NLGN1: variants seen among roughly 807,000 people sequenced by gnomAD.
NLGN1 encodes neuroligin-1.
In NLGN1, 12 loss-of-function variants were observed where a neutral mutation model predicts 65.5. The ratio of observed to expected loss-of-function variants is 0.18; its 90% confidence interval spans 0.12 to 0.30. The LOEUF (loss-of-function observed/expected upper bound fraction) is 0.30. Among genes scored for constraint, NLGN1 ranks in the 10% least tolerant of loss-of-function variants. NLGN1 has a pLI of 1.00. For missense variants in NLGN1, 750 were observed against 1,007.1 expected (o/e 0.74, Z 3.46); for synonymous variants, 350 against 359.5 (o/e 0.97, Z 0.30).
At chr3:174,066,610 G>A (rs1453771913) in intron 4 of NLGN1, among the ~76,000 whole-genome samples, 3 of 132,730 alleles carry the variant, frequency 2.3e-5, no homozygotes, top group Non-Finnish European at 3.1e-5. Context: ...ATTTTGGTTG[G>A]TTTTAGGTTA....
chr3:173,561,356 C>T (rs545910693), intron 2 of NLGN1, among the ~76,000 whole-genome samples: 8 of 152,254 alleles, frequency 5.3e-5, no homozygotes, highest in East Asian at 3.9e-4. Flanking sequence ...TGACTTCTAG[C>T]GTCTGCCTCC....
intron 4 of NLGN1, among the ~76,000 whole-genome samples, chr3:174,044,914 T>G (rs1312066414): frequency 6.6e-6 from 1 of 152,070 alleles, no homozygotes; most frequent in Non-Finnish European, 1.5e-5. Flanking sequence ...CACTTCTTCT[T>G]CCTGCCATCA....
At chr3:173,797,043 G>A (rs1714245879) in intron 3 of NLGN1, among the ~76,000 whole-genome samples, 1 of 152,104 alleles carries the variant, frequency 6.6e-6, no homozygotes, top group Non-Finnish European at 1.5e-5. Context: ...AGCAAAGAAG[G>A]GAGCTCTAGG....
At chr3:173,739,917 G>C (rs1774372916) in intron 3 of NLGN1, among the ~76,000 whole-genome samples, 1 of 152,070 alleles carries the variant, frequency 6.6e-6, no homozygotes, top group Non-Finnish European at 1.5e-5. Flanking sequence ...ACTGGAAAAA[G>C]CTTAACAGAT....
intron 3 of NLGN1, among the ~76,000 whole-genome samples, chr3:173,646,442 C>G (rs1446700186): frequency 2.0e-5 from 3 of 152,172 alleles, no homozygotes; most frequent in Non-Finnish European, 4.4e-5. Flanking sequence ...GTGTCACACA[C>G]TGTTCACTTT....
intron 4 of NLGN1, among the ~76,000 whole-genome samples, chr3:174,181,441 G>A (rs1730399949): frequency 6.6e-6 from 1 of 152,096 alleles, no homozygotes; most frequent in Non-Finnish European, 1.5e-5. Context: ...GCCCATCGCT[G>A]TTACCTCTAT....
intron 2 of NLGN1, among the ~76,000 whole-genome samples, chr3:173,482,559 T>A (rs1246625215): frequency 2.0e-5 from 3 of 151,966 alleles, no homozygotes; most frequent in African/African-American, 4.8e-5. Context: ...AATTTCAATT[T>A]AAAAATTTGC....
chr3:173,466,303 A>T (rs1444641727), intron 2 of NLGN1, among the ~76,000 whole-genome samples: 1 of 152,162 alleles, frequency 6.6e-6, no homozygotes, highest in Non-Finnish European at 1.5e-5. Context: ...ATTAGAAGGA[A>T]CACACTCTTG....
chr3:173,561,152 A>G (rs1422644284), intron 2 of NLGN1, among the ~76,000 whole-genome samples: 1 of 152,216 alleles, frequency 6.6e-6, no homozygotes, highest in Non-Finnish European at 1.5e-5. Context: ...AATGTCTATC[A>G]TTACTTGGCA....
In NLGN1 at chr3:174,247,385, A is replaced by G. The variant is rs574773241; in HGVS notation, c.647-27930A>G. Among the ~76,000 whole-genome samples the G allele has an allele frequency of 3.3e-5, 5 of 152,288 alleles. No homozygotes were observed. In the East Asian group the frequency reaches 9.7e-4, roughly 29 times the overall value. On this transcript the variant is annotated intron_variant, in intron 4 of 6. Transcript: ENST00000457714. ...CATTTAACACAGGTTCTTCATTATT[A>G]TCTGGCTGAAGGTAGTGTGGATGGC...
chr3:173,755,736 A>G (rs1371114008), intron 3 of NLGN1, among the ~76,000 whole-genome samples: 1 of 152,116 alleles, frequency 6.6e-6, no homozygotes, highest in Non-Finnish European at 1.5e-5. Flanking sequence ...ATAAAGCGCA[A>G]TGTAAAGTTG....
At chr3:173,429,772 A>G (rs1275837548) in intron 1 of NLGN1, among the ~76,000 whole-genome samples, 4 of 152,104 alleles carry the variant, frequency 2.6e-5, no homozygotes, top group Non-Finnish European at 5.9e-5. Flanking sequence ...AGTGCTGCCC[A>G]TCCCAGATTG....
chr3:173,782,107 T>TC (rs397743353), intron 3 of NLGN1, among the ~76,000 whole-genome samples: 3 of 151,776 alleles, frequency 2.0e-5, no homozygotes, highest in Non-Finnish European at 2.9e-5. Context: ...TCTTTTTTTT[T>TC]AGTTTTCTTT....
chr3:174,163,090 C>T (rs1208232307), intron 4 of NLGN1, among the ~76,000 whole-genome samples: 3 of 151,882 alleles, frequency 2.0e-5, no homozygotes, highest in African/African-American at 7.2e-5. Flanking sequence ...AGAGAATTTT[C>T]ATTAATAAGT....
At chr3:173,968,578 A>AAT (rs1392170616) in intron 4 of NLGN1, among the ~76,000 whole-genome samples, 1 of 152,006 alleles carries the variant, frequency 6.6e-6, no homozygotes, top group African/African-American at 2.4e-5. Flanking sequence ...TTATAGCAAG[A>AAT]ATATATATAA....
At chr3:173,810,846 T>C (rs913922820) in intron 4 of NLGN1, among the ~76,000 whole-genome samples, 3 of 152,212 alleles carry the variant, frequency 2.0e-5, no homozygotes, top group African/African-American at 7.2e-5. Context: ...ACCGACACCC[T>C]TTAGTGGTTT....
chr3:173,595,194 A>G (rs972654553), intron 2 of NLGN1, among the ~76,000 whole-genome samples: 1 of 152,152 alleles, frequency 6.6e-6, no homozygotes, highest in African/African-American at 2.4e-5. Flanking sequence ...AATTTTCTGA[A>G]CTTTTATGCT....
chr3:173,825,675 G>A (rs1463855856), intron 4 of NLGN1, among the ~76,000 whole-genome samples: 1 of 151,976 alleles, frequency 6.6e-6, no homozygotes, highest in African/African-American at 2.4e-5. Flanking sequence ...CCACTAATGA[G>A]AATTACATCT....
Position 173,930,318 on chromosome 3 carries a change from CA to C in NLGN1, c.646+122492del, listed in dbSNP as rs375084419. Among the ~76,000 whole-genome samples the C allele has an allele frequency of 3.4e-4, 51 of 152,134 alleles. No individual in the cohort carries two copies. The East Asian group carries it at 9.3e-3, about 28-fold the overall frequency. ...TCAGTGCTGCACCAGGTAACTCTGGCAAAAAATGTTCAAGTTAGAGGAGGAA... is the reference window on the plus strand; with the variant it reads ...TCAGTGCTGCACCAGGTAACTCTGGCAAAAATGTTCAAGTTAGAGGAGGAA... On this transcript the variant is annotated intron_variant, in intron 4 of 6. Coordinates refer to ENST00000457714, the Ensembl canonical transcript of NLGN1.
Sources: gnomAD v4.1 joint callset for allele counts (sites outside exome capture counted in the v4.1 genomes callset) on GRCh38, gnomAD v4.1.1 for gene constraint, MANE v1.5 for transcripts, NCBI Gene and HGNC (gene_info 2026-07-23, HGNC 2026-07-21) for gene names.